The following CNTNAP2 variants were observed in gnomAD, a reference collection of about 807,000 sequenced individuals.
CNTNAP2 encodes the protein contactin associated protein 2.
In CNTNAP2, 98 loss-of-function variants were observed where a neutral mutation model predicts 155.2. The observed-to-expected ratio is 0.63, with a 90% CI of 0.54 to 0.75. CNTNAP2 has a LOEUF of 0.75. CNTNAP2 is among the 30% of genes least tolerant of loss of function. The probability of loss-of-function intolerance (pLI) is 0.00; values close to 1 mark genes in which losing one functional copy is unlikely to be tolerated. For synonymous variants in CNTNAP2, 651 were observed against 631.2 expected (o/e 1.03, Z -0.47); for missense variants, 1,727 against 1,688.1 (o/e 1.02, Z -0.40).
intron 21 of CNTNAP2, among the ~76,000 whole-genome samples, chr7:148,356,046 A>G (rs1374484384): frequency 6.6e-6 from 1 of 152,232 alleles, no homozygotes; most frequent in African/African-American, 2.4e-5. Context: ...TGAAAAGACA[A>G]TTCTGTGCAC....
intron 1 of CNTNAP2, among the ~76,000 whole-genome samples, chr7:146,635,729 A>G (rs1799586899): frequency 6.6e-6 from 1 of 152,024 alleles, no homozygotes; most frequent in South Asian, 2.1e-4. Context: ...AGTGGATGAT[A>G]TAAGAAGCAG....
intron 11 of CNTNAP2, among the ~76,000 whole-genome samples, chr7:147,508,583 C>T (rs1016150191): frequency 6.6e-6 from 1 of 152,156 alleles, no homozygotes; most frequent in Admixed American, 6.5e-5. Flanking sequence ...CAGGTTAAAT[C>T]CGGATATTCT....
chr7:147,517,477 G>A (rs1799148645), intron 11 of CNTNAP2, among the ~76,000 whole-genome samples: 1 of 152,182 alleles, frequency 6.6e-6, no homozygotes, highest in Non-Finnish European at 1.5e-5. Context: ...AGCTGTGGGA[G>A]AGAAAGTTCA....
rs1798111172 is a variant in CNTNAP2 at position 147,807,577 on chromosome 7, A to AC, written c.2099-95985dup. On this transcript the variant is annotated intron_variant, in intron 13 of 23. Coordinates refer to ENST00000361727, the MANE Select transcript of CNTNAP2 (RefSeq NM_014141.6). ...ACGTAGTCATTCTATCCATCTATCC[A>AC]CCCATCCATCAATCGAGTGCCTAGT... Among the ~76,000 whole-genome samples, 3 of 152,072 alleles carry AC rather than the reference A, an allele frequency of 2.0e-5. No homozygotes were observed. In the East Asian group the frequency reaches 5.8e-4, roughly 29 times the overall value.
At chr7:148,183,457 A>T (rs1215280538) in intron 18 of CNTNAP2, among the ~76,000 whole-genome samples, 2 of 151,278 alleles carry the variant, frequency 1.3e-5, no homozygotes, top group African/African-American at 4.9e-5. Context: ...ATTGATATTT[A>T]CAAGAAATAC....
intron 13 of CNTNAP2, among the ~76,000 whole-genome samples, chr7:147,791,716 C>T (rs906054871): frequency 3.9e-5 from 6 of 152,120 alleles, no homozygotes; most frequent in African/African-American, 9.7e-5. Flanking sequence ...AGGAAAACTC[C>T]CTGTGAAGCT....
At chr7:147,991,186 C>A (rs775996074) in intron 15 of CNTNAP2, among the ~76,000 whole-genome samples, 4 of 152,134 alleles carry the variant, frequency 2.6e-5, no homozygotes, top group Non-Finnish European at 4.4e-5. Flanking sequence ...TATTTATTTG[C>A]TTTATTGTCA....
intron 10 of CNTNAP2, among the ~76,000 whole-genome samples, chr7:147,482,303 AAT>A (rs35319123): frequency 6.6e-6 from 1 of 151,968 alleles, no homozygotes. Flanking sequence ...TAACTTTTAA[AAT>A]ATATATATAT....
At chr7:147,035,193 TCTGAG>T (rs1432114345) in intron 3 of CNTNAP2, among the ~76,000 whole-genome samples, 2 of 152,132 alleles carry the variant, frequency 1.3e-5, no homozygotes, top group Non-Finnish European at 2.9e-5. Context: ...GGAAGTGCTG[TCTGAG>T]CTGAGTCCTA....
chr7:146,305,589 C>T lies in CNTNAP2; in HGVS notation c.97+188616C>T, dbSNP rs570377219. Among the ~76,000 whole-genome samples, 231 of 152,176 alleles carry T rather than the reference C, an allele frequency of 1.5e-3. 3 individuals carry two copies. Among genetic ancestry groups the T allele is most frequent in the African/African-American group, 1.9e-3 (79 of 41,540 alleles). On this transcript the variant is annotated intron_variant, in intron 1 of 23. Transcript: ENST00000361727. ...GGTATCACCAGTGGAGTCTGCAGAACGGCAAATATTGCTGCCTGATCCTTC... is the reference window on the plus strand; with the variant it reads ...GGTATCACCAGTGGAGTCTGCAGAATGGCAAATATTGCTGCCTGATCCTTC...
intron 3 of CNTNAP2, among the ~76,000 whole-genome samples, chr7:147,030,767 C>T (rs763662234): frequency 6.6e-6 from 1 of 152,112 alleles, no homozygotes; most frequent in Admixed American, 6.6e-5. Context: ...GTCTGTAATC[C>T]TAGCACTTTA....
At chr7:147,383,857 A>G (rs1563183764) in intron 9 of CNTNAP2, among the ~76,000 whole-genome samples, 1 of 152,164 alleles carries the variant, frequency 6.6e-6, no homozygotes, top group Non-Finnish European at 1.5e-5. Flanking sequence ...CATATTCAGA[A>G]GTGCATACAC....
At position 146,994,023 on chromosome 7, in the gene CNTNAP2, G is replaced by A. The variant is rs1223443619; in HGVS notation, c.403-49884G>A. Among the ~76,000 whole-genome samples, 6 of 152,206 alleles carry A rather than the reference G, an allele frequency of 3.9e-5. No individual in the cohort carries two copies. The East Asian group carries it at 1.2e-3, about 29-fold the overall frequency. On this transcript the variant is annotated intron_variant, in intron 3 of 23. Transcript: ENST00000361727. ...CATCATTTTCTATTGCTAATCAGGA[G>A]TTGCATTTTAGGCAATGCAAAGTGG...
chr7:148,002,169 A>G (rs1032705611), intron 15 of CNTNAP2, among the ~76,000 whole-genome samples: 2 of 152,192 alleles, frequency 1.3e-5, no homozygotes, highest in African/African-American at 4.8e-5. Flanking sequence ...TTTCTACAAG[A>G]TACTTAGAGT....
intron 15 of CNTNAP2, among the ~76,000 whole-genome samples, chr7:148,090,003 G>A (rs556007765): frequency 1.4e-4 from 22 of 151,918 alleles, no homozygotes; most frequent in Non-Finnish European, 2.5e-4. Context: ...TTTGACAAAG[G>A]TGCCAAAATT....
chr7:148,072,201 A>G (rs1347589899), intron 15 of CNTNAP2, among the ~76,000 whole-genome samples: 8 of 152,208 alleles, frequency 5.3e-5, no homozygotes, highest in Admixed American at 5.2e-4. Context: ...ATCTCCAAGC[A>G]ATGGAACTCT....
chr7:147,317,434 C>T (rs1795251831), intron 9 of CNTNAP2, among the ~76,000 whole-genome samples: 1 of 152,232 alleles, frequency 6.6e-6, no homozygotes, highest in Non-Finnish European at 1.5e-5. Context: ...CATCATTCAT[C>T]CTCACCCAGC....
intron 9 of CNTNAP2, among the ~76,000 whole-genome samples, chr7:147,302,272 C>T (rs931184555): frequency 5.9e-5 from 9 of 152,194 alleles, no homozygotes; most frequent in African/African-American, 2.2e-4. Context: ...TATTTTTGGC[C>T]ATACATGAGC....
Position 146,141,920 on chromosome 7 carries a change from G to T in CNTNAP2, c.97+24947G>T, listed in dbSNP as rs62504795. On this transcript the variant is annotated intron_variant, in intron 1 of 23. Transcript: ENST00000361727. The stretch of plus-strand genomic sequence containing the variant: ...TAGGTTACTAATATTTAATATTATA[G>T]TCCACCAGGAAAGATGATCTCAAAG... Among the ~76,000 whole-genome samples, 1,219 of 152,072 alleles carry T rather than the reference G, an allele frequency of 8.0e-3. 8 individuals are homozygous for T. Among genetic ancestry groups the T allele is most frequent in the Non-Finnish European group, 0.014 (961 of 67,998 alleles).
Sources: gnomAD v4.1 joint callset for allele counts (sites outside exome capture counted in the v4.1 genomes callset) on GRCh38, gnomAD v4.1.1 for gene constraint, MANE v1.5 for transcripts, NCBI Gene and HGNC (gene_info 2026-07-23, HGNC 2026-07-21) for gene names.